The following DLGAP1 variants were observed in gnomAD, a reference collection of about 807,000 sequenced individuals.
DLGAP1 encodes the protein disks large-associated protein 1.
DLGAP1 carries 11 observed loss-of-function variants against 90.8 expected under a neutral mutation model. The observed-to-expected ratio is 0.12, with a 90% CI of 0.08 to 0.20. The LOEUF is 0.20. Ranked by LOEUF, DLGAP1 falls within the 10% of genes least tolerant of loss-of-function variation. The pLI is 1.00. For missense variants in DLGAP1, 1,050 were observed against 1,333.8 expected, an observed-to-expected ratio of 0.79 and a Z score of 3.31; for synonymous variants, 558 against 540.7, an observed-to-expected ratio of 1.03 and a Z score of -0.44.
At chr18:3,531,586 C>G (rs1340379520) in intron 10 of DLGAP1, among the ~76,000 whole-genome samples, 1 of 152,138 alleles carries the variant, frequency 6.6e-6, no homozygotes, top group Non-Finnish European at 1.5e-5. Flanking sequence ...CGGGTTCAAG[C>G]CATTCTCTGC....
rs1057193757 is a variant in DLGAP1 at position 3,855,708 on chromosome 18, G to A, written c.957+23404C>T. 2.6e-5 allele frequency among the ~76,000 whole-genome samples: 4 copies of A among 152,154 alleles called. No homozygotes were observed. In the South Asian group the frequency reaches 6.2e-4, roughly 24 times the overall value. ...GGCTCACTGCAACCTCCACCTCCCCGGTACAAGCAATTCTCCCACCTCAGC... is the reference window on the plus strand; with the variant it reads ...GGCTCACTGCAACCTCCACCTCCCCAGTACAAGCAATTCTCCCACCTCAGC... On this transcript the variant is annotated intron_variant, in intron 4 of 12. Transcript: ENST00000315677.
chr18:3,550,959 C>T lies in DLGAP1; in HGVS notation c.2058-16344G>A, dbSNP rs1256992896. On this transcript the variant is annotated intron_variant, in intron 9 of 12. Transcript: ENST00000315677. ...GTTTCACCATGTTGGCCAGGCTGGT[C>T]TCAAACTCCTGACCTCAGGTGATCC... Among the ~76,000 whole-genome samples the T allele has an allele frequency of 3.3e-5, 5 of 151,804 alleles. No individual in the cohort carries two copies. In the East Asian group the frequency reaches 9.8e-4, roughly 30 times the overall value.
At position 4,084,598 on chromosome 18, in the gene DLGAP1, C is replaced by T. The variant is rs1222673874; in HGVS notation, c.-159+66582G>A. Among the ~76,000 whole-genome samples the T allele has an allele frequency of 6.6e-6, 1 of 152,172 alleles. No homozygotes were observed. Among genetic ancestry groups the T allele is most frequent in the African/African-American group, 2.4e-5 (1 of 41,434 alleles). On this transcript the variant is annotated intron_variant, in intron 2 of 12. Coordinates refer to ENST00000315677, the MANE Select transcript of DLGAP1 (RefSeq NM_004746.4). The surrounding 1 kb of genome is among the most constrained non-coding windows in gnomAD (Gnocchi z 4.0). The stretch of plus-strand genomic sequence containing the variant: ...ACTCAGGGACACAGAAGAATCTGCA[C>T]AAACAGGCCTTGCTCAGTTCCCTCC...
chr18:4,254,360 A>G (rs2078843410), intron 1 of DLGAP1, among the ~76,000 whole-genome samples: 1 of 151,568 alleles, frequency 6.6e-6, no homozygotes, highest in East Asian at 1.9e-4. Flanking sequence ...CTTAAAGGTA[A>G]GGACAGTTAT....
intron 3 of DLGAP1, among the ~76,000 whole-genome samples, chr18:3,952,877 G>C (rs1183730241): frequency 6.6e-6 from 1 of 152,142 alleles, no homozygotes; most frequent in East Asian, 1.9e-4. Flanking sequence ...CACCCAGGAC[G>C]GATGGCTACA....
At chr18:4,019,097 C>T (rs778499015) in intron 2 of DLGAP1, among the ~76,000 whole-genome samples, 11 of 152,164 alleles carry the variant, frequency 7.2e-5, no homozygotes, top group Non-Finnish European at 8.8e-5. Flanking sequence ...AAAATTCTTG[C>T]GAAGGTCATT....
chr18:3,833,399 A>T (rs934669676), intron 4 of DLGAP1, among the ~76,000 whole-genome samples: 2 of 151,738 alleles, frequency 1.3e-5, no homozygotes, highest in Non-Finnish European at 2.9e-5. Context: ...ACGCCCAGTT[A>T]ATTTTTGTAT....
intron 1 of DLGAP1, among the ~76,000 whole-genome samples, chr18:4,319,514 G>A (rs1018662875): frequency 2.6e-5 from 4 of 152,142 alleles, no homozygotes; most frequent in Non-Finnish European, 5.9e-5. Flanking sequence ...ATCCTGGGAG[G>A]AGAAATTAAC....
At chr18:4,081,319 A>G (rs1311125818) in intron 2 of DLGAP1, among the ~76,000 whole-genome samples, 2 of 75,192 alleles carry the variant, frequency 2.7e-5, no homozygotes, top group Admixed American at 1.1e-4. Context: ...CCGTCTCAGG[A>G]AAAAAAAAAA....
chr18:3,723,425 G>A (rs1370366322), intron 7 of DLGAP1, among the ~76,000 whole-genome samples: 2 of 152,144 alleles, frequency 1.3e-5, no homozygotes, highest in Non-Finnish European at 2.9e-5. Context: ...AATCGTCTGT[G>A]GCTTGTGCAG....
chr18:4,325,592 T>C (rs936859582), intron 1 of DLGAP1, among the ~76,000 whole-genome samples: 3 of 152,118 alleles, frequency 2.0e-5, no homozygotes, highest in African/African-American at 7.2e-5. Flanking sequence ...GCTGGAGGTA[T>C]CATATTACCC....
rs113681602 is a variant in DLGAP1 at position 3,551,129 on chromosome 18, T to C, written c.2057+16361A>G. On this transcript the variant is annotated intron_variant, in intron 9 of 12. Coordinates refer to ENST00000315677, the MANE Select transcript of DLGAP1 (RefSeq NM_004746.4). ...GACATCAGTTTGTTGTATTTTGTTA[T>C]GGCAGCCCAAACTGACTAATATTAT... 3.7e-3 allele frequency among the ~76,000 whole-genome samples: 549 copies of C among 149,472 alleles called. 6 individuals are homozygous for C. The highest frequency in any genetic ancestry group is 0.013 in the African/African-American group (525 of 38,948).
intron 2 of DLGAP1, among the ~76,000 whole-genome samples, chr18:4,007,899 A>G (rs948999739): frequency 1.3e-5 from 2 of 152,072 alleles, no homozygotes; most frequent in African/African-American, 4.8e-5. Context: ...TCTTTCTATT[A>G]TTATTTTGCA....
rs1598350033 is a variant in DLGAP1 at position 4,395,592 on chromosome 18, G to A, written c.-267+59414C>T. Reference sequence around the variant, plus strand: ...TTCATTAACATGGAGGGGTGGAGACGGGTGAAGGAAAGATGAAATGGTGTT... The same window carrying A: ...TTCATTAACATGGAGGGGTGGAGACAGGTGAAGGAAAGATGAAATGGTGTT... On this transcript the variant is annotated intron_variant, in intron 1 of 12. Coordinates refer to ENST00000315677, the MANE Select transcript of DLGAP1 (RefSeq NM_004746.4). Among the ~76,000 whole-genome samples the A allele has an allele frequency of 3.3e-5, 5 of 152,224 alleles. No individual in the cohort carries two copies. The South Asian group carries it at 8.3e-4, about 25-fold the overall frequency.
intron 1 of DLGAP1, among the ~76,000 whole-genome samples, chr18:4,279,681 C>T (rs1279981016): frequency 2.0e-5 from 3 of 152,124 alleles, no homozygotes; most frequent in Admixed American, 2.0e-4. Flanking sequence ...AAATAATTTG[C>T]TATTTTTCTT....
chr18:3,820,079 T>C (rs143110477), intron 4 of DLGAP1, among the ~76,000 whole-genome samples: 1 of 152,348 alleles, frequency 6.6e-6, no homozygotes, highest in Non-Finnish European at 1.5e-5. Flanking sequence ...GTGCCAATGA[T>C]GGTCTGTGAG....
Position 3,775,346 on chromosome 18 carries a change from G to A in DLGAP1, c.1173-32834C>T, listed in dbSNP as rs542196066. Among the ~76,000 whole-genome samples the A allele has an allele frequency of 9.7e-4, 148 of 152,312 alleles. 1 individual carries two copies. The highest frequency in any genetic ancestry group is 2.7e-3 in the East Asian group (14 of 5,176). On this transcript the variant is annotated intron_variant, in intron 5 of 12. Coordinates refer to ENST00000315677, the MANE Select transcript of DLGAP1 (RefSeq NM_004746.4). The surrounding 1 kb of genome is among the most constrained non-coding windows in gnomAD (Gnocchi z 4.9). ...TTGGCGGAAGGGCCTGGTGGGAGGT[G>A]ACTGAATCATGGGGGCAGACTTCCC... is the stretch of plus-strand genomic sequence containing the variant.
At position 3,660,789 on chromosome 18, in the gene DLGAP1, G is replaced by A. The variant is rs987472132; in HGVS notation, c.1591+68346C>T. On this transcript the variant is annotated intron_variant, in intron 7 of 12. Transcript: ENST00000315677. This position sits in a 1 kb window ranked among gnomAD's most constrained non-coding sequence, Gnocchi z 4.2. ...GACAAGTAAGTTTATTGGCTACTTG[G>A]AGACAAAATTACGCCCTAAATGGAC... Among the ~76,000 whole-genome samples, 20 of 152,306 alleles carry A rather than the reference G, an allele frequency of 1.3e-4. No homozygotes were observed. The highest frequency in any genetic ancestry group is 7.7e-4 in the East Asian group (4 of 5,176).
At chr18:3,580,955 A>G (rs1376746908) in intron 8 of DLGAP1, among the ~76,000 whole-genome samples, 1 of 152,162 alleles carries the variant, frequency 6.6e-6, no homozygotes, top group Admixed American at 6.5e-5. Flanking sequence ...GGACCCTCAC[A>G]GCTCTGAATT....
Sources: allele counts gnomAD v4.1 joint callset (sites outside exome capture counted in the v4.1 genomes callset), GRCh38; gene constraint gnomAD v4.1.1; non-coding constraint Gnocchi (gnomAD v3.1); transcripts MANE v1.5; gene names NCBI Gene and HGNC (gene_info 2026-07-23, HGNC 2026-07-21).